The following OBI1 variants were observed in gnomAD, a reference collection of about 807,000 sequenced individuals.
OBI1 encodes ORC ubiquitin ligase 1.
In OBI1, 59 loss-of-function variants were observed where a neutral mutation model predicts 62.4. The ratio of observed to expected loss-of-function variants is 0.95; its 90% CI spans 0.77 to 1.17. The LOEUF (loss-of-function observed/expected upper bound fraction) is 1.17, where lower values mean the gene tolerates loss of function less well. OBI1 is among the 50% of genes most tolerant of loss of function. The probability of loss-of-function intolerance (pLI) is 0.00; values close to 1 mark genes in which losing one functional copy is unlikely to be tolerated. For synonymous variants in OBI1, 302 were observed against 292.8 expected (o/e 1.03, Z -0.32); for missense variants, 875 against 830.9 (o/e 1.05, Z -0.65).
At chr13:78,629,860 G>A (rs1442959974) in intron 5 of OBI1, among the ~76,000 whole-genome samples, 5 of 152,002 alleles carry the variant, frequency 3.3e-5, no homozygotes, top group Admixed American at 2.6e-4. Context: ...AAAAATAGAG[G>A]GATGATGGTC....
intron 1 of OBI1, among the ~76,000 whole-genome samples, chr13:78,647,309 G>C (rs963785614): frequency 6.6e-6 from 1 of 152,228 alleles, no homozygotes; most frequent in Non-Finnish European, 1.5e-5. Context: ...CCCGGGAATG[G>C]AATGTCTTGG....
chr13:78,656,404 G>A (rs917693305), intron 1 of OBI1, among the ~76,000 whole-genome samples: 1 of 151,966 alleles, frequency 6.6e-6, no homozygotes, highest in African/African-American at 2.4e-5. Context: ...CCAACATGGA[G>A]AAACCCCGTC....
At chr13:78,633,236 T>C (rs1875908677) in intron 5 of OBI1, among the ~76,000 whole-genome samples, 1 of 152,192 alleles carries the variant, frequency 6.6e-6, no homozygotes, top group African/African-American at 2.4e-5. Flanking sequence ...CTTATTTCAC[T>C]AATTTGTCAA....
chr13:78,631,992 C>T (rs978514704), intron 5 of OBI1, among the ~76,000 whole-genome samples: 2 of 152,042 alleles, frequency 1.3e-5, no homozygotes, highest in African/African-American at 4.8e-5. Flanking sequence ...AGATTTTAGT[C>T]AAGTTTTTGG....
chr13:78,624,449 T>C (rs1875604979), intron 5 of OBI1, among the ~76,000 whole-genome samples: 1 of 152,130 alleles, frequency 6.6e-6, no homozygotes. Flanking sequence ...TAGCTTATAT[T>C]ATTAACACTA....
chr13:78,642,060 G>A (rs1219221979), intron 3 of OBI1, 62 bp downstream of exon 3: 5 of 853,676 alleles, frequency 5.9e-6, no homozygotes, highest in African/African-American at 5.0e-5. Flanking sequence ...GGGGACTGAG[G>A]TAGGTCAGTT....
rs750665190 is a variant in OBI1, at chr13:78,659,070, C to T, written c.51G>A (p.Thr17=). Residue 17 remains threonine, a synonymous_variant, in exon 1 of 6, where the codon ACG becomes ACA. Coordinates refer to ENST00000282003, the MANE Select transcript of OBI1 (RefSeq NM_024546.4). ...NVTLSLTLPI[T]CHICLGKVRQ... ...TTACCTTCCCCAAGCAAATGTGGCA[C>T]GTGATGGGCAGAGTGAGCGACAATG... 2 of 1,612,894 alleles carry T rather than the reference C, an allele frequency of 1.2e-6. No individual in the cohort carries two copies. Among genetic ancestry groups the T allele is most frequent in the South Asian group, 1.1e-5 (1 of 90,978 alleles).
In OBI1 at chr13:78,615,881, G is replaced by T; in HGVS notation, c.1880C>A (p.Ser627Ter). ...TACTGGACAAGAACTGGAATGGAGT[G>T]AAAAATCTTCATTCATTTCTTGGTC... ...PSDQEMNEDFSLHSSSCPVTN... is the reference protein window; with the variant it reads ...PSDQEMNEDF Residue 627 changes from serine to a stop codon, truncating the protein, a stop_gained, in exon 6 of 6, where the codon TCA becomes TAA. Coordinates refer to ENST00000282003, the MANE Select transcript of OBI1 (RefSeq NM_024546.4). LOFTEE classifies it high-confidence loss of function. 6.2e-7 allele frequency: 1 copy of T among 1,614,068 alleles called. No homozygotes were observed. The highest frequency in any genetic ancestry group is 1.1e-5 in the South Asian group (1 of 91,052).
At chr13:78,646,735 A>G (rs942789768) in intron 1 of OBI1, among the ~76,000 whole-genome samples, 20 of 152,236 alleles carry the variant, frequency 1.3e-4, no homozygotes, top group African/African-American at 4.8e-4. Flanking sequence ...GAATCTACTG[A>G]GTATTCATTA....
chr13:78,648,201 T>C (rs1876441093), intron 1 of OBI1, among the ~76,000 whole-genome samples: 1 of 152,000 alleles, frequency 6.6e-6, no homozygotes, highest in South Asian at 2.1e-4. Flanking sequence ...ATTTCATCTT[T>C]ATGTCATGAA....
intron 1 of OBI1, among the ~76,000 whole-genome samples, chr13:78,651,344 C>T (rs781671844): frequency 6.6e-6 from 1 of 152,196 alleles, no homozygotes; most frequent in Non-Finnish European, 1.5e-5. Flanking sequence ...AGCTTTCACT[C>T]CTCTCCTACA....
chr13:78,621,010 G>A (rs1875493770), intron 5 of OBI1, among the ~76,000 whole-genome samples: 1 of 152,308 alleles, frequency 6.6e-6, no homozygotes, highest in Middle Eastern at 3.4e-3. Context: ...ATGCCTTCTT[G>A]AGGAGGAACA....
chr13:78,649,587 G>A (rs1249151658), intron 1 of OBI1, among the ~76,000 whole-genome samples: 3 of 152,168 alleles, frequency 2.0e-5, no homozygotes, highest in African/African-American at 4.8e-5. Flanking sequence ...TTCATGTTTT[G>A]CTGTAAAGGA....
At chr13:78,619,437 CA>C (rs1480531499) in intron 5 of OBI1, among the ~76,000 whole-genome samples, 15 of 151,396 alleles carry the variant, frequency 9.9e-5, no homozygotes, top group African/African-American at 3.4e-4. Flanking sequence ...AGAGAAGTAA[CA>C]AAGGCCAGTA....
intron 1 of OBI1, among the ~76,000 whole-genome samples, chr13:78,649,687 T>A (rs1157673746): frequency 6.6e-6 from 1 of 152,160 alleles, no homozygotes; most frequent in South Asian, 2.1e-4. Context: ...ATGGGGGTAT[T>A]ACAGCGATAG....
chr13:78,616,174 C>T lies in OBI1; in HGVS notation c.1587G>A (p.Ser529=). 1.2e-6 allele frequency: 2 copies of T among 1,613,634 alleles called. No homozygotes were observed. Among genetic ancestry groups the T allele is most frequent in the Non-Finnish European group, 8.5e-7 (1 of 1,179,584 alleles). The stretch of plus-strand genomic sequence containing the variant: ...TTTTGTCAAGGTAAGCAGCATCCAT[C>T]GATGCTTCACTGGATGTTCTTGTCC... ...MNRTRTSSEA[S]MDAAYLDKIS... The change falls in exon 6 of 6, where the codon TCG becomes TCA. Residue 529 remains serine, a synonymous_variant. Coordinates refer to ENST00000282003, the MANE Select transcript of OBI1 (RefSeq NM_024546.4).
At chr13:78,639,434 C>T (rs985506891) in intron 3 of OBI1, among the ~76,000 whole-genome samples, 2 of 151,964 alleles carry the variant, frequency 1.3e-5, no homozygotes, top group South Asian at 2.1e-4. Flanking sequence ...GTCAGTGTGG[C>T]GATTCCTCAG....
At chr13:78,631,606 C>T (rs1875853123) in intron 5 of OBI1, among the ~76,000 whole-genome samples, 2 of 152,048 alleles carry the variant, frequency 1.3e-5, no homozygotes, top group Non-Finnish European at 1.5e-5. Context: ...TGGTTTCCTC[C>T]AGGTGAAATA....
chr13:78,633,424 C>T (rs975987297), intron 5 of OBI1, among the ~76,000 whole-genome samples: 3 of 152,168 alleles, frequency 2.0e-5, no homozygotes, highest in Non-Finnish European at 4.4e-5. Flanking sequence ...GCAACATTTC[C>T]TCCTTTTCAA....
Sources: gnomAD v4.1 joint callset for allele counts (sites outside exome capture counted in the v4.1 genomes callset) on GRCh38, gnomAD v4.1.1 for gene constraint, MANE v1.5 for transcripts, NCBI Gene and HGNC (gene_info 2026-07-23, HGNC 2026-07-21) for gene names.